Variants in POU2AF1 observed in about 807,000 individuals in gnomAD.
POU2AF1 encodes the protein POU domain class 2-associating factor 1.
In POU2AF1, 12 loss-of-function variants were observed where a neutral mutation model predicts 26.3. That is an observed-to-expected ratio of 0.46 (90% CI 0.29 to 0.74). POU2AF1 has a LOEUF of 0.74. Among genes scored for constraint, POU2AF1 ranks in the 30% least tolerant of loss-of-function variants. POU2AF1 has a pLI of 0.09. For missense variants in POU2AF1, 297 were observed against 334.5 expected (o/e 0.89, Z 0.87); for synonymous variants, 175 against 148.0 (o/e 1.18, Z -1.32).
intron 4 of POU2AF1, among the ~76,000 whole-genome samples, chr11:111,354,930 A>G (rs887086729): frequency 6.6e-6 from 1 of 152,236 alleles, no homozygotes; most frequent in Admixed American, 6.5e-5. Context: ...ATTCATTTCT[A>G]TTTCAGAGAT....
chr11:111,352,294 T>C lies in POU2AF1; in HGVS notation c.*1967A>G, dbSNP rs994712198. ...TTATTTAAAGTGGGCAAAGAAAATA[T>C]GTCAAAGAAACTGTCATTTCCCAGA... On this transcript the variant is annotated 3_prime_UTR_variant, in exon 5 of 5. Transcript: ENST00000393067. 5.0e-5 allele frequency: 9 copies of C among 179,972 alleles called. No individual in the cohort carries two copies. The highest frequency in any genetic ancestry group is 2.1e-4 in the African/African-American group (9 of 42,306). 11.1% of individuals were successfully genotyped at this position (179,972 alleles called of 1,614,324 possible).
At chr11:111,363,923 C>T (rs1179608179) in intron 1 of POU2AF1, 1 of 985,256 alleles carries the variant, frequency 1.0e-6, no homozygotes, top group Non-Finnish European at 1.2e-6. Context: ...TAGCATGAGC[C>T]TCTCGGCCCT....
intron 1 of POU2AF1, chr11:111,363,816 G>C (rs1861055127): frequency 1.0e-6 from 1 of 984,954 alleles, no homozygotes; most frequent in African/African-American, 1.7e-5. Context: ...CACCCTCAAA[G>C]CCTGAAGCTT....
intron 2 of POU2AF1, among the ~76,000 whole-genome samples, chr11:111,358,456 T>TCACACACA (rs1860919045): frequency 2.9e-5 from 1 of 34,722 alleles, no homozygotes; most frequent in Non-Finnish European, 8.2e-5. Flanking sequence ...ACACACACAC[T>TCACACACA]CTCTCACACA....
Position 111,353,715 on chromosome 11 carries a change from G to T in POU2AF1, c.*546C>A. The T allele has an allele frequency of 4.1e-6, 1 of 246,290 alleles. No homozygotes were observed. The allele number at this position is 246,290 out of a possible 1,614,324, so 15.3% of individuals were successfully genotyped here. A position where few individuals can be genotyped will look rare whatever the true frequency, so the allele number is the denominator to read the frequency against. On this transcript the variant is annotated 3_prime_UTR_variant, in exon 5 of 5. Transcript: ENST00000393067. ...CAGAGGGTGTGAGTGACCCTAAGAT[G>T]GTTCAGCAGGCACTGGAGGAAGGAG...
At chr11:111,355,989 C>T (rs1477534166) in intron 4 of POU2AF1, among the ~76,000 whole-genome samples, 1 of 152,200 alleles carries the variant, frequency 6.6e-6, no homozygotes, top group Non-Finnish European at 1.5e-5. Context: ...CTCGGGAATA[C>T]AATTACTTCC....
chr11:111,360,391 G>A (rs1331510498), intron 1 of POU2AF1, among the ~76,000 whole-genome samples: 1 of 152,212 alleles, frequency 6.6e-6, no homozygotes, highest in Non-Finnish European at 1.5e-5. Context: ...AAGGTCCCAT[G>A]CCTGACTCGG....
intron 1 of POU2AF1, among the ~76,000 whole-genome samples, chr11:111,364,641 C>T (rs544754618): frequency 2.0e-5 from 3 of 152,368 alleles, no homozygotes; most frequent in East Asian, 1.9e-4. Flanking sequence ...CCTCTTGTGA[C>T]GTCCCATGAG....
intron 1 of POU2AF1, chr11:111,363,063 G>T: frequency 1.1e-6 from 1 of 881,494 alleles, no homozygotes; most frequent in Non-Finnish European, 1.4e-6. Flanking sequence ...GCGCTTGGTG[G>T]AGGTGCTGTG....
chr11:111,363,202 C>G, intron 1 of POU2AF1: 1 of 1,015,834 alleles, frequency 9.8e-7, no homozygotes, highest in Non-Finnish European at 1.2e-6. Flanking sequence ...CGTTGCAGGA[C>G]TCCCACAGCT....
intron 2 of POU2AF1, 41 bp from the exon 3 acceptor site, chr11:111,357,878 TC>T (rs1297284097): frequency 4.1e-5 from 64 of 1,559,906 alleles, no homozygotes; most frequent in Non-Finnish European, 5.2e-5. Context: ...TGTTTAGCCC[TC>T]GTCAACCGGC....
At chr11:111,369,500 G>A (rs1349794121) in intron 1 of POU2AF1, among the ~76,000 whole-genome samples, 1 of 152,194 alleles carries the variant, frequency 6.6e-6, no homozygotes, top group Non-Finnish European at 1.5e-5. Flanking sequence ...CTCCCTCAAG[G>A]GGGCTAGAAA....
Position 111,374,943 on chromosome 11 carries a change from C to T in POU2AF1, c.16+4219G>A, listed in dbSNP as rs919479610. On this transcript the variant is annotated intron_variant, in intron 1 of 4. Coordinates refer to ENST00000393067, the MANE Select transcript of POU2AF1 (RefSeq NM_006235.3). The stretch of plus-strand genomic sequence containing the variant: ...AACAATATTGGCTCTTTAGTGGAAC[C>T]CTAGAGTACATCTGAAGAGCAGAGT... 3.3e-5 allele frequency among the ~76,000 whole-genome samples: 5 copies of T among 152,190 alleles called. 1 individual carries two copies. The highest frequency in any genetic ancestry group is 6.5e-5 in the Admixed American group (1 of 15,286).
rs530291308 is a variant in POU2AF1 at position 111,374,877 on chromosome 11, T to C, written c.16+4285A>G. ...GTAGGAGATAGGCTTCCAAAAATTA[T>C]ATGCATAGTACACATTTTACTTATC... On this transcript the variant is annotated intron_variant, in intron 1 of 4. Transcript: ENST00000393067. 2.8e-4 allele frequency among the ~76,000 whole-genome samples: 43 copies of C among 152,368 alleles called. 1 individual carries two copies. In the South Asian group the frequency reaches 8.9e-3, roughly 32 times the overall value.
At chr11:111,367,551 T>C (rs1245498450) in intron 1 of POU2AF1, among the ~76,000 whole-genome samples, 1 of 152,194 alleles carries the variant, frequency 6.6e-6, no homozygotes, top group Non-Finnish European at 1.5e-5. Context: ...ACACTCCACT[T>C]CTGCCTCACT....
intron 1 of POU2AF1, chr11:111,377,813 C>T (rs758894108): frequency 1.3e-4 from 25 of 185,234 alleles, no homozygotes; most frequent in Non-Finnish European, 2.2e-4. Flanking sequence ...GGGTCAGCTG[C>T]CATTGTCCCA....
In POU2AF1 at chr11:111,357,844, G is replaced by A. The variant is rs2135110755; in HGVS notation, c.148-7C>T. 6.2e-7 allele frequency: 1 copy of A among 1,605,712 alleles called. No individual in the cohort carries two copies. On this transcript the variant is annotated splice_polypyrimidine_tract_variant and splice_region_variant and intron_variant, in intron 2 of 4. Transcript: ENST00000393067. ...GCTGATGGGGCAGCACCACCTAGAG[G>A]GGAGAGGAGAAGACCAGGGTCAATG...
Position 111,359,255 on chromosome 11 carries a change from G to A in POU2AF1, c.17-337C>T, listed in dbSNP as rs1860958610. On this transcript the variant is annotated intron_variant, in intron 1 of 4. Coordinates refer to ENST00000393067, the MANE Select transcript of POU2AF1 (RefSeq NM_006235.3). ...GAAGGTCTGTCTGTGTTCTCTACGT[G>A]TTCCTGCGTGTCTCACCTCCTCATC... The A allele has an allele frequency of 9.4e-6, 3 of 318,746 alleles. No homozygotes were observed. In the South Asian group the frequency reaches 1.4e-4, roughly 14 times the overall value. 19.7% of individuals were successfully genotyped at this position (318,746 alleles called of 1,614,324 possible).
chr11:111,372,507 G>A (rs1481278987), intron 1 of POU2AF1, among the ~76,000 whole-genome samples: 1 of 152,192 alleles, frequency 6.6e-6, no homozygotes, highest in African/African-American at 2.4e-5. Context: ...CACTGTGGCA[G>A]GGAGACAGGA....
Sources: allele counts gnomAD v4.1 joint callset (sites outside exome capture counted in the v4.1 genomes callset), GRCh38; gene constraint gnomAD v4.1.1; transcripts MANE v1.5; gene names NCBI Gene and HGNC (gene_info 2026-07-23, HGNC 2026-07-21).